Variants in CEP128 observed in about 807,000 individuals in gnomAD.
The protein encoded by CEP128 is centrosomal protein 128kDa.
Under a neutral mutation model 156.7 loss-of-function variants are expected in CEP128, and 132 were observed. The observed-to-expected ratio is 0.84, with a 90% CI of 0.73 to 0.97. The LOEUF (loss-of-function observed/expected upper bound fraction) is 0.97. Ranked by LOEUF, CEP128 falls within the 50% of genes least tolerant of loss-of-function variation. The pLI is 0.00. For synonymous variants in CEP128, 469 were observed against 448.9 expected (o/e 1.04, Z -0.57); for missense variants, 1,252 against 1,281.9 (o/e 0.98, Z 0.36).
At position 80,577,390 on chromosome 14, in the gene CEP128, A is replaced by G. The variant is rs117530761; in HGVS notation, c.2856+2984T>C. On this transcript the variant is annotated intron_variant, in intron 20 of 24. Transcript: ENST00000555265. ...ACCACCTGGACATTTCAAAATACCA[A>G]AAATTGAACTGATCAACTTCCTCCT... Among the ~76,000 whole-genome samples the G allele has an allele frequency of 1.2e-3, 181 of 152,318 alleles. 3 individuals carry two copies. In the East Asian group the frequency reaches 0.033, roughly 28 times the overall value.
intron 19 of CEP128, among the ~76,000 whole-genome samples, chr14:80,647,053 A>ATGTGTGTGTGTG (rs1566831557): frequency 1.6e-3 from 22 of 13,720 alleles, no homozygotes; most frequent in Non-Finnish European, 2.0e-3. Context: ...ATATATATAT[A>ATGTGTGTGTGTG]TATATATATA....
intron 2 of CEP128, among the ~76,000 whole-genome samples, chr14:80,956,743 A>T (rs910563141): frequency 1.3e-5 from 2 of 152,156 alleles, no homozygotes; most frequent in South Asian, 2.1e-4. Context: ...GGAAAGTTGC[A>T]CCTCTAGATT....
intron 21 of CEP128, among the ~76,000 whole-genome samples, chr14:80,540,217 C>A (rs892525048): frequency 1.4e-5 from 2 of 140,768 alleles, no homozygotes; most frequent in Non-Finnish European, 3.1e-5. Flanking sequence ...CTTTTGAAAC[C>A]CTTAATAAAA....
intron 15 of CEP128, among the ~76,000 whole-genome samples, chr14:80,780,365 T>C (rs1901039659): frequency 6.6e-6 from 1 of 152,140 alleles, no homozygotes; most frequent in South Asian, 2.1e-4. Flanking sequence ...AGTATGGATA[T>C]ATTAATAAAA....
chr14:80,612,467 C>A (rs1893031450), intron 19 of CEP128, among the ~76,000 whole-genome samples: 1 of 152,150 alleles, frequency 6.6e-6, no homozygotes, highest in Admixed American at 6.5e-5. Context: ...CTTACCAGAT[C>A]AGAACATTAT....
At chr14:80,614,932 A>T (rs1441742584) in intron 19 of CEP128, among the ~76,000 whole-genome samples, 1 of 152,242 alleles carries the variant, frequency 6.6e-6, no homozygotes, top group Non-Finnish European at 1.5e-5. Flanking sequence ...AAAGGTTATC[A>T]AATGTACAGC....
At chr14:80,552,262 T>A (rs8005242) in intron 21 of CEP128, among the ~76,000 whole-genome samples, 1 of 150,966 alleles carries the variant, frequency 6.6e-6, no homozygotes, top group East Asian at 2.0e-4. Context: ...TGAGCTGAGA[T>A]GGCGCTACTG....
intron 19 of CEP128, among the ~76,000 whole-genome samples, chr14:80,708,437 C>G (rs957721233): frequency 3.9e-5 from 6 of 152,022 alleles, no homozygotes; most frequent in Admixed American, 1.3e-4. Context: ...GGAATATCAC[C>G]TCTTGTCTGT....
At chr14:80,508,201 C>T (rs943176087) in intron 23 of CEP128, among the ~76,000 whole-genome samples, 2 of 152,212 alleles carry the variant, frequency 1.3e-5, no homozygotes, top group Non-Finnish European at 2.9e-5. Context: ...CAGGCGTGAG[C>T]CACCGCGCCT....
At chr14:80,499,536 C>T (rs1049820170) in intron 24 of CEP128, among the ~76,000 whole-genome samples, 1 of 152,166 alleles carries the variant, frequency 6.6e-6, no homozygotes, top group Admixed American at 6.5e-5. Flanking sequence ...ACAATTCCTT[C>T]CTTTTGGGCT....
At chr14:80,912,427 G>C (rs1450273253) in intron 4 of CEP128, among the ~76,000 whole-genome samples, 1 of 152,076 alleles carries the variant, frequency 6.6e-6, no homozygotes, top group African/African-American at 2.4e-5. Flanking sequence ...CCTAAGTAGG[G>C]ATCTAATATT....
At chr14:80,712,120 G>C (rs992742138) in intron 19 of CEP128, among the ~76,000 whole-genome samples, 18 of 152,156 alleles carry the variant, frequency 1.2e-4, no homozygotes, top group Non-Finnish European at 2.5e-4. Flanking sequence ...ATTAATATGA[G>C]GGTAGGAAGA....
intron 19 of CEP128, chr14:80,742,724 T>C (rs1341338584): frequency 2.0e-5 from 5 of 244,732 alleles, no homozygotes; most frequent in Non-Finnish European, 3.2e-5. Context: ...CCTAGAATAG[T>C]GTGTACTTGA....
intron 20 of CEP128, among the ~76,000 whole-genome samples, chr14:80,575,424 G>A (rs1193073381): frequency 1.3e-5 from 2 of 151,674 alleles, no homozygotes; most frequent in Non-Finnish European, 1.5e-5. Context: ...ATTATATTTA[G>A]CAGCTGGCCA....
intron 14 of CEP128, among the ~76,000 whole-genome samples, chr14:80,484,878 C>T (rs980112003): frequency 6.6e-6 from 1 of 152,134 alleles, no homozygotes; most frequent in Non-Finnish European, 1.5e-5. Flanking sequence ...TATATCTGTT[C>T]TGTGGTACCA....
chr14:80,676,461 AAT>A (rs1387017412), intron 19 of CEP128, among the ~76,000 whole-genome samples: 1 of 152,024 alleles, frequency 6.6e-6, no homozygotes, highest in African/African-American at 2.4e-5. Flanking sequence ...TTAAAAAAAA[AAT>A]AATCAGATCA....
chr14:80,716,174 A>G (rs1380406044), intron 19 of CEP128, among the ~76,000 whole-genome samples: 2 of 152,212 alleles, frequency 1.3e-5, no homozygotes, highest in South Asian at 2.1e-4. Flanking sequence ...AAAGTGAACC[A>G]AATAAATTAA....
chr14:80,787,905 A>G (rs1428241756), intron 14 of CEP128, among the ~76,000 whole-genome samples: 2 of 152,184 alleles, frequency 1.3e-5, no homozygotes, highest in Admixed American at 6.5e-5. Flanking sequence ...AGGATGGTTC[A>G]AGAAGAATCC....
intron 18 of CEP128, among the ~76,000 whole-genome samples, chr14:80,748,135 G>T (rs1364147276): frequency 6.6e-6 from 1 of 152,148 alleles, no homozygotes; most frequent in Non-Finnish European, 1.5e-5. Flanking sequence ...GCAATTTATA[G>T]GCCTCTGTCT....
Sources: allele counts gnomAD v4.1 joint callset (sites outside exome capture counted in the v4.1 genomes callset), GRCh38; gene constraint gnomAD v4.1.1; transcripts MANE v1.5; gene names NCBI Gene and HGNC (gene_info 2026-07-23, HGNC 2026-07-21).